SLC37A3: variants seen among roughly 807,000 people sequenced by gnomAD.
The protein encoded by SLC37A3 is solute carrier family 37 member 3.
A neutral mutation model predicts 67.1 loss-of-function variants in SLC37A3; 51 were observed. The observed-to-expected ratio is 0.76, with a 90% confidence interval of 0.61 to 0.96. The LOEUF (loss-of-function observed/expected upper bound fraction) is 0.96. Ranked by LOEUF, SLC37A3 falls within the 40% of genes least tolerant of loss-of-function variation. The probability of loss-of-function intolerance (pLI) is 0.00; values close to 1 mark genes in which losing one functional copy is unlikely to be tolerated. For synonymous variants in SLC37A3, 214 were observed against 231.4 expected, an observed-to-expected ratio of 0.92 and a Z score of 0.68; for missense variants, 508 against 603.0, an observed-to-expected ratio of 0.84 and a Z score of 1.65.
At chr7:140,378,794 T>A (rs922971411) in intron 3 of SLC37A3, among the ~76,000 whole-genome samples, 1 of 150,706 alleles carries the variant, frequency 6.6e-6, no homozygotes, top group African/African-American at 2.4e-5. Flanking sequence ...ACGCCTGTAA[T>A]ACCAACACTA....
At chr7:140,352,322 C>T (rs1796849010) in intron 7 of SLC37A3, 176 bp from the exon 8 acceptor site, 4 of 606,794 alleles carry the variant, frequency 6.6e-6, no homozygotes, top group African/African-American at 1.9e-5. Flanking sequence ...GTGTTCTACT[C>T]GTGTTTTCTC....
At chr7:140,350,005 T>C (rs1429039185) in intron 9 of SLC37A3, among the ~76,000 whole-genome samples, 1 of 152,164 alleles carries the variant, frequency 6.6e-6, no homozygotes, top group Non-Finnish European at 1.5e-5. Flanking sequence ...ATACTTAACT[T>C]TGTTGGAAAT....
At chr7:140,364,852 A>C (rs1465626782) in intron 4 of SLC37A3, among the ~76,000 whole-genome samples, 1 of 152,214 alleles carries the variant, frequency 6.6e-6, no homozygotes, top group East Asian at 1.9e-4. Flanking sequence ...AATGACTCTA[A>C]TAAAACAAGC....
intron 5 of SLC37A3, among the ~76,000 whole-genome samples, chr7:140,362,035 T>G (rs1797331157): frequency 8.2e-6 from 1 of 121,366 alleles, no homozygotes; most frequent in Non-Finnish European, 1.8e-5. Context: ...GAGGAGCCTC[T>G]CTGCCTGGCT....
At chr7:140,360,172 A>G (rs1366378069) in intron 5 of SLC37A3, among the ~76,000 whole-genome samples, 2 of 152,108 alleles carry the variant, frequency 1.3e-5, no homozygotes, top group East Asian at 3.9e-4. Context: ...ATATAGTGAG[A>G]CCCCATGACT....
Position 140,398,420 on chromosome 7 carries a change from G to C in SLC37A3, c.-75C>G, listed in dbSNP as rs563050063. ...CACGCATCACCGCTTGCGCACCCGA[G>C]ATCCGCAGTGGTCGCCGCTCTCCAG... On this transcript the variant is annotated 5_prime_UTR_variant, in exon 1 of 15. It adds an upstream start codon to the 5' untranslated region. Coordinates refer to ENST00000326232, the MANE Select transcript of SLC37A3 (RefSeq NM_207113.3). The C allele has an allele frequency of 1.3e-5, 2 of 152,426 alleles. No individual in the cohort carries two copies. The highest frequency in any genetic ancestry group is 1.5e-5 in the Non-Finnish European group (1 of 68,170). 9.4% of individuals were successfully genotyped at this position (152,426 alleles called of 1,614,324 possible).
intron 1 of SLC37A3, among the ~76,000 whole-genome samples, chr7:140,384,183 AAG>A (rs1351211692): frequency 2.0e-5 from 3 of 152,224 alleles, no homozygotes; most frequent in Non-Finnish European, 2.9e-5. Context: ...ATTTGTCACG[AAG>A]ACTTTTTAAT....
At chr7:140,355,953 G>T (rs1797009374) in intron 6 of SLC37A3, among the ~76,000 whole-genome samples, 189 bp from the exon 7 acceptor site, 1 of 152,166 alleles carries the variant, frequency 6.6e-6, no homozygotes, top group Non-Finnish European at 1.5e-5. Context: ...CCAGTACTTT[G>T]GGAGGCCAAG....
At chr7:140,347,454 T>C (rs1796610156) in intron 10 of SLC37A3, among the ~76,000 whole-genome samples, 1 of 152,106 alleles carries the variant, frequency 6.6e-6, no homozygotes, top group African/African-American at 2.4e-5. Flanking sequence ...AGCTGGACAA[T>C]TTCAACTTCA....
rs542170896 is a variant in SLC37A3 at position 140,354,083 on chromosome 7, A to G, written c.618+1585T>C. ...ACAGAGCTTCCTCATTCGACTTCAC[A>G]GGTGCACAGCATTGCTTTCAACAGG... is the stretch of plus-strand genomic sequence containing the variant. On this transcript the variant is annotated intron_variant, in intron 7 of 14. Transcript: ENST00000326232. Among the ~76,000 whole-genome samples the G allele has an allele frequency of 2.6e-5, 4 of 152,334 alleles. No individual in the cohort carries two copies. In the East Asian group the frequency reaches 7.7e-4, roughly 29 times the overall value.
intron 6 of SLC37A3, among the ~76,000 whole-genome samples, chr7:140,357,002 C>T (rs1432480348): frequency 6.6e-6 from 1 of 152,024 alleles, no homozygotes; most frequent in Non-Finnish European, 1.5e-5. Flanking sequence ...CACCTGAGGT[C>T]AGGAGTTCAA....
intron 11 of SLC37A3, 111 bp from the exon 12 acceptor site, chr7:140,345,374 G>A (rs983716453): frequency 3.9e-6 from 3 of 774,734 alleles, no homozygotes; most frequent in Non-Finnish European, 4.4e-6. Context: ...ATCACTCCCA[G>A]AGACAACAAA....
In SLC37A3 at chr7:140,349,208, A is replaced by ACGGG. The variant is rs574635597; in HGVS notation, c.883-445_883-442dup. ...CACGGCCTTTACTGGGAGCAGCCAA[A>ACGGG]CGGGGTTGGTTATTCTACTCCTTGC... On this transcript the variant is annotated intron_variant, in intron 9 of 14. Coordinates refer to ENST00000326232, the MANE Select transcript of SLC37A3 (RefSeq NM_207113.3). 2.0e-4 allele frequency among the ~76,000 whole-genome samples: 31 copies of ACGGG among 152,328 alleles called. No individual in the cohort carries two copies. The South Asian group carries it at 6.0e-3, about 30-fold the overall frequency.
At position 140,337,120 on chromosome 7, in the gene SLC37A3, G is replaced by A. The variant is rs900871724; in HGVS notation, c.1392+164C>T. On this transcript the variant is annotated intron_variant, in intron 14 of 14. Transcript: ENST00000326232. ...CCTCAAAAAAAAAAAAAAAAAAAAAGAAGAAGAAGAAGAAGAAGATGTCTT... is the reference window on the plus strand; with the variant it reads ...CCTCAAAAAAAAAAAAAAAAAAAAAAAAGAAGAAGAAGAAGAAGATGTCTT... Among the ~76,000 whole-genome samples the A allele has an allele frequency of 3.0e-3, 273 of 91,042 alleles. 1 individual carries two copies. The highest frequency in any genetic ancestry group is 3.9e-3 in the Non-Finnish European group (177 of 45,502). The allele number at this position is 91,042 out of a possible 152,430, so 59.7% of individuals were successfully genotyped here.
chr7:140,362,157 C>A (rs1797338886), intron 5 of SLC37A3, among the ~76,000 whole-genome samples: 1 of 140,966 alleles, frequency 7.1e-6, no homozygotes, highest in Non-Finnish European at 1.6e-5. Context: ...GCGCCTCTTC[C>A]CCGCCGCCCA....
intron 2 of SLC37A3, among the ~76,000 whole-genome samples, chr7:140,381,521 T>C (rs947732860): frequency 1.3e-5 from 2 of 151,470 alleles, no homozygotes; most frequent in African/African-American, 4.9e-5. Flanking sequence ...TGAGATCCCA[T>C]CTCAAATAAA....
At chr7:140,380,527 T>C (rs528513947) in intron 2 of SLC37A3, 137 bp from the exon 3 acceptor site, 22 of 573,540 alleles carry the variant, frequency 3.8e-5, no homozygotes, top group Non-Finnish European at 6.5e-5. Context: ...CCAAAATAGA[T>C]TCAGAGAGGC....
chr7:140,355,808 A>G (rs1797003041), intron 6 of SLC37A3, 44 bp from the exon 7 acceptor site: 2 of 1,542,214 alleles, frequency 1.3e-6, no homozygotes. Context: ...TGGTCAGAAG[A>G]GATACTCTGG....
chr7:140,366,068 G>T (rs1471267911), intron 4 of SLC37A3, among the ~76,000 whole-genome samples: 1 of 151,508 alleles, frequency 6.6e-6, no homozygotes, highest in Non-Finnish European at 1.5e-5. Flanking sequence ...CTCCCGAGTA[G>T]CTGGGACTAC....
Sources: allele counts gnomAD v4.1 joint callset (sites outside exome capture counted in the v4.1 genomes callset), GRCh38; gene constraint gnomAD v4.1.1; transcripts MANE v1.5; gene names NCBI Gene and HGNC (gene_info 2026-07-23, HGNC 2026-07-21).